VPS50: variants seen among roughly 807,000 people sequenced by gnomAD.
VPS50 encodes VPS50 subunit of EARP/GARPII complex.
In VPS50, 70 loss-of-function variants were observed where a neutral mutation model predicts 139.7. That is an observed-to-expected ratio of 0.50 (90% CI 0.41 to 0.61). VPS50 has a LOEUF of 0.61. Among genes scored for constraint, VPS50 ranks in the 20% least tolerant of loss-of-function variants. VPS50 has a pLI of 0.00. For missense variants in VPS50, 921 were observed against 1,133.7 expected (o/e 0.81, Z 2.69); for synonymous variants, 365 against 376.7 (o/e 0.97, Z 0.36).
chr7:93,288,949 T>C (rs936821722), intron 12 of VPS50, among the ~76,000 whole-genome samples: 1 of 152,124 alleles, frequency 6.6e-6, no homozygotes, highest in Non-Finnish European at 1.5e-5. Context: ...GGCCCTATCT[T>C]CAGATGTTGG....
intron 20 of VPS50, among the ~76,000 whole-genome samples, chr7:93,318,249 T>C (rs942963600): frequency 6.6e-6 from 1 of 152,066 alleles, no homozygotes; most frequent in African/African-American, 2.4e-5. Context: ...AAAAGCACCA[T>C]CCCTCAGTAC....
chr7:93,236,312 A>G (rs919687151), intron 1 of VPS50, among the ~76,000 whole-genome samples: 6 of 152,188 alleles, frequency 3.9e-5, no homozygotes, highest in African/African-American at 1.4e-4. Flanking sequence ...GAGTGGGTTC[A>G]GGAGAAAATA....
intron 2 of VPS50, among the ~76,000 whole-genome samples, chr7:93,247,856 A>G (rs2116805131): frequency 1.3e-5 from 2 of 151,922 alleles, no homozygotes; most frequent in Middle Eastern, 6.8e-3. Context: ...TGATTTGTTC[A>G]TTTTTTGCCT....
chr7:93,276,493 T>A, intron 12 of VPS50, 188 bp downstream of exon 12: 1 of 903,874 alleles, frequency 1.1e-6, no homozygotes, highest in Non-Finnish European at 1.5e-6. Flanking sequence ...ACACAAATGG[T>A]AAAGGTTACT....
intron 12 of VPS50, among the ~76,000 whole-genome samples, chr7:93,278,223 A>G (rs1293347038): frequency 6.6e-6 from 1 of 152,174 alleles, no homozygotes; most frequent in Non-Finnish European, 1.5e-5. Flanking sequence ...TGAAAGATAT[A>G]CTTGGCTTAC....
chr7:93,333,782 C>A (rs1584480049), intron 21 of VPS50: 1 of 271,306 alleles, frequency 3.7e-6, no homozygotes, highest in East Asian at 1.3e-4. Context: ...GCATACCTTA[C>A]ATACAACAGA....
chr7:93,322,185 A>C (rs1192012939), intron 20 of VPS50, among the ~76,000 whole-genome samples: 5 of 152,218 alleles, frequency 3.3e-5, no homozygotes, highest in Non-Finnish European at 7.3e-5. Context: ...ATCATTTCTC[A>C]CATAAATTAA....
chr7:93,320,023 T>A (rs1048434913), intron 20 of VPS50, among the ~76,000 whole-genome samples: 9 of 152,126 alleles, frequency 5.9e-5, no homozygotes, highest in Non-Finnish European at 2.9e-5. Flanking sequence ...GGGATCAACT[T>A]TTCATTTTCA....
rs1584364292 is a variant in VPS50 at position 93,232,408 on chromosome 7, T to C, written c.-60T>C. On this transcript the variant is annotated 5_prime_UTR_variant, in exon 1 of 28. Transcript: ENST00000305866. ...CTTCCTAGTGTCAGGGCCAGCTGTG[T>C]AGTGGCTCGGTGTGATTTGTTAGCT... The C allele has an allele frequency of 1.5e-5, 21 of 1,429,802 alleles. No homozygotes were observed. The East Asian group carries it at 4.8e-4, about 33-fold the overall frequency. 88.6% of individuals were successfully genotyped at this position (1,429,802 alleles called of 1,614,324 possible). A position where few individuals can be genotyped will look rare whatever the true frequency, so the allele number is the denominator to read the frequency against.
At chr7:93,252,848 T>A in intron 3 of VPS50, 73 bp downstream of exon 3, 1 of 1,197,162 alleles carries the variant, frequency 8.4e-7, no homozygotes, top group Non-Finnish European at 1.2e-6. Context: ...ATTTGAATAC[T>A]TTTTTGAGGC....
At chr7:93,333,047 T>G (rs1216961340) in intron 21 of VPS50, among the ~76,000 whole-genome samples, 1 of 152,148 alleles carries the variant, frequency 6.6e-6, no homozygotes, top group Non-Finnish European at 1.5e-5. Context: ...TGTATGCTAT[T>G]ACCAAATTCA....
intron 12 of VPS50, among the ~76,000 whole-genome samples, chr7:93,281,176 C>T (rs1215256382): frequency 1.3e-5 from 2 of 152,146 alleles, no homozygotes. Flanking sequence ...TATATTAGTA[C>T]ATCATAGACA....
chr7:93,281,915 A>G (rs1301323577), intron 12 of VPS50, among the ~76,000 whole-genome samples: 1 of 152,058 alleles, frequency 6.6e-6, no homozygotes, highest in Non-Finnish European at 1.5e-5. Flanking sequence ...ATTATAAACA[A>G]TTTTTCCGGC....
At chr7:93,343,204 G>A (rs1037452059) in intron 23 of VPS50, among the ~76,000 whole-genome samples, 7 of 152,116 alleles carry the variant, frequency 4.6e-5, no homozygotes, top group East Asian at 1.9e-4. Flanking sequence ...CTCAGGAGCC[G>A]ATGCGATCAA....
At chr7:93,330,761 C>CAAAAAAAAAAAAAAAAAAAAAAAAAAAAA (rs57338525) in intron 21 of VPS50, among the ~76,000 whole-genome samples, 1 of 83,706 alleles carries the variant, frequency 1.2e-5, no homozygotes. Context: ...GACCCTGTCT[C>CAAAAAAAAAAAAAAAAAAAAAAAAAAAAA]AAAAAAAAAA....
chr7:93,250,046 G>A (rs1795274503), intron 2 of VPS50, among the ~76,000 whole-genome samples: 2 of 151,648 alleles, frequency 1.3e-5, no homozygotes, highest in African/African-American at 2.4e-5. Flanking sequence ...CTGATTGCAC[G>A]CTGACTCAGT....
intron 16 of VPS50, among the ~76,000 whole-genome samples, chr7:93,299,342 T>G (rs1796908177): frequency 6.6e-6 from 1 of 152,234 alleles, no homozygotes; most frequent in African/African-American, 2.4e-5. Context: ...TAGCCAGTGA[T>G]GAATCTAAAT....
At chr7:93,277,465 C>G (rs1190938294) in intron 12 of VPS50, among the ~76,000 whole-genome samples, 2 of 152,034 alleles carry the variant, frequency 1.3e-5, no homozygotes, top group Non-Finnish European at 2.9e-5. Context: ...GTAATTGTGT[C>G]CAGGAATTAG....
At chr7:93,335,305 C>A in intron 22 of VPS50, among the ~76,000 whole-genome samples, 1 of 152,260 alleles carries the variant, frequency 6.6e-6, no homozygotes, top group African/African-American at 2.4e-5. Context: ...CAGGTGAGCG[C>A]TGTTTGGGCA....
Sources: allele counts gnomAD v4.1 joint callset (sites outside exome capture counted in the v4.1 genomes callset), GRCh38; gene constraint gnomAD v4.1.1; transcripts MANE v1.5; gene names NCBI Gene and HGNC (gene_info 2026-07-23, HGNC 2026-07-21).